The following SORCS2 variants were observed in gnomAD, a reference collection of about 807,000 sequenced individuals.
SORCS2 encodes VPS10 domain-containing receptor SorCS2.
A neutral mutation model predicts 141.6 loss-of-function variants in SORCS2; 100 were observed. That is an observed-to-expected ratio of 0.71 (90% confidence interval 0.60 to 0.83). The LOEUF (loss-of-function observed/expected upper bound fraction) is 0.83, where lower values mean the gene tolerates loss of function less well. Ranked by LOEUF, SORCS2 falls within the 40% of genes least tolerant of loss-of-function variation. The pLI is 0.00. For missense variants in SORCS2, 1,646 were observed against 1,560.2 expected, an observed-to-expected ratio of 1.05 and a Z score of -0.93; for synonymous variants, 789 against 676.9, an observed-to-expected ratio of 1.17 and a Z score of -2.57.
chr4:7,419,922 C>G (rs1049998794), intron 2 of SORCS2, among the ~76,000 whole-genome samples: 1 of 152,224 alleles, frequency 6.6e-6, no homozygotes, highest in Non-Finnish European at 1.5e-5. Context: ...TATTCCTAGC[C>G]AGGTGCTTCC....
chr4:7,365,105 T>A (rs779531199), intron 1 of SORCS2, among the ~76,000 whole-genome samples: 13 of 152,204 alleles, frequency 8.5e-5, no homozygotes, highest in Non-Finnish European at 1.5e-4. Context: ...GCGTTAGCTA[T>A]GATTTGTATT....
At chr4:7,691,681 G>T (rs578052334) in intron 11 of SORCS2, among the ~76,000 whole-genome samples, 1 of 151,948 alleles carries the variant, frequency 6.6e-6, no homozygotes, top group Non-Finnish European at 1.5e-5. Context: ...CAGCTTCCAC[G>T]CACAGACAGG....
At chr4:7,556,088 G>A (rs1420510743) in intron 3 of SORCS2, among the ~76,000 whole-genome samples, 3 of 152,216 alleles carry the variant, frequency 2.0e-5, no homozygotes, top group Admixed American at 6.5e-5. Context: ...GGATGCCAAC[G>A]TTAGGGTTGT....
At chr4:7,687,367 A>G (rs1181787003) in intron 10 of SORCS2, among the ~76,000 whole-genome samples, 1 of 152,146 alleles carries the variant, frequency 6.6e-6, no homozygotes, top group Non-Finnish European at 1.5e-5. Flanking sequence ...GCAGGAGGGT[A>G]GGACTGAAAG....
chr4:7,246,039 G>T (rs1713060387), intron 1 of SORCS2, among the ~76,000 whole-genome samples: 1 of 152,218 alleles, frequency 6.6e-6, no homozygotes, highest in South Asian at 2.1e-4. Context: ...GAAAGGGATT[G>T]TGCCAAATCC....
chr4:7,687,458 T>C (rs1353317167), intron 10 of SORCS2, among the ~76,000 whole-genome samples: 1 of 152,178 alleles, frequency 6.6e-6, no homozygotes, highest in Non-Finnish European at 1.5e-5. Flanking sequence ...GGCAACGTCT[T>C]AACACCTCAC....
chr4:7,420,874 C>A (rs1199653635), intron 2 of SORCS2, among the ~76,000 whole-genome samples: 4 of 152,206 alleles, frequency 2.6e-5, no homozygotes, highest in Non-Finnish European at 4.4e-5. Context: ...TAAGTAGGTT[C>A]TCGGCTTGGC....
chr4:7,556,993 A>G (rs1577744192), intron 3 of SORCS2, among the ~76,000 whole-genome samples: 3 of 139,926 alleles, frequency 2.1e-5, no homozygotes, highest in African/African-American at 5.3e-5. Flanking sequence ...CCATCCGTCC[A>G]TCTATCCATT....
chr4:7,575,328 C>G (rs1321186965), intron 3 of SORCS2, among the ~76,000 whole-genome samples: 1 of 152,168 alleles, frequency 6.6e-6, no homozygotes, highest in Admixed American at 6.5e-5. Flanking sequence ...CCCAGTATAT[C>G]CAAAATATTA....
rs116466424 is a variant in SORCS2 at position 7,404,623 on chromosome 4, T to C, written c.548+8268T>C. 8.3e-4 allele frequency among the ~76,000 whole-genome samples: 126 copies of C among 152,338 alleles called. 1 individual carries two copies. The highest frequency in any genetic ancestry group is 2.9e-3 in the African/African-American group (121 of 41,590). ...ATTGGTGATGTTGAGCATTTTTTCA[T>C]CTGCCTGTCGACCATGTGTATGTCT... On this transcript the variant is annotated intron_variant, in intron 2 of 26. Coordinates refer to ENST00000507866, the MANE Select transcript of SORCS2 (RefSeq NM_020777.3).
chr4:7,462,853 C>G (rs140619928), intron 2 of SORCS2, among the ~76,000 whole-genome samples: 1 of 149,924 alleles, frequency 6.7e-6, no homozygotes, highest in Non-Finnish European at 1.5e-5. Flanking sequence ...AGGGAGCGCT[C>G]ACAACATGCT....
At chr4:7,737,272 G>C (rs979094382) in intron 26 of SORCS2, 100 bp downstream of exon 26, 1 of 1,501,958 alleles carries the variant, frequency 6.7e-7, no homozygotes, top group South Asian at 1.3e-5. Flanking sequence ...TGGGCCGCTG[G>C]GGCCAGCAAA....
intron 2 of SORCS2, among the ~76,000 whole-genome samples, chr4:7,429,823 G>A (rs1289917860): frequency 6.6e-6 from 1 of 152,184 alleles, no homozygotes; most frequent in Non-Finnish European, 1.5e-5. Context: ...CTGGCTGTGT[G>A]GCCTCGGGCA....
intron 2 of SORCS2, among the ~76,000 whole-genome samples, chr4:7,513,401 T>C (rs993895919): frequency 2.0e-5 from 3 of 152,172 alleles, no homozygotes; most frequent in African/African-American, 7.2e-5. Flanking sequence ...GGCTTCACCT[T>C]GGATTCAGGA....
intron 3 of SORCS2, among the ~76,000 whole-genome samples, chr4:7,566,968 C>T (rs576824506): frequency 3.3e-4 from 50 of 152,330 alleles, no homozygotes; most frequent in Non-Finnish European, 6.0e-4. Context: ...GCAGAGGGGG[C>T]ACATGAGTAT....
intron 3 of SORCS2, among the ~76,000 whole-genome samples, chr4:7,560,958 C>T (rs1270464774): frequency 6.6e-6 from 1 of 152,128 alleles, no homozygotes; most frequent in African/African-American, 2.4e-5. Flanking sequence ...TCCATGGCTG[C>T]AGAAGCAAGA....
At chr4:7,268,314 C>T (rs763284616) in intron 1 of SORCS2, among the ~76,000 whole-genome samples, 137 of 152,256 alleles carry the variant, frequency 9.0e-4, no homozygotes, top group African/African-American at 2.9e-3. Context: ...CAACCCTTTA[C>T]CTTAGTGGGG....
chr4:7,544,810 C>T (rs1459012838), intron 3 of SORCS2, among the ~76,000 whole-genome samples: 1 of 152,222 alleles, frequency 6.6e-6, no homozygotes, highest in Non-Finnish European at 1.5e-5. Context: ...CATGGCTGAA[C>T]ACTCAGGGTG....
At chr4:7,446,254 C>T (rs1287039117) in intron 2 of SORCS2, among the ~76,000 whole-genome samples, 1 of 152,148 alleles carries the variant, frequency 6.6e-6, no homozygotes, top group African/African-American at 2.4e-5. Flanking sequence ...TGATGTCGCA[C>T]AGTGAGTTGG....
Sources: allele counts gnomAD v4.1 joint callset (sites outside exome capture counted in the v4.1 genomes callset), GRCh38; gene constraint gnomAD v4.1.1; transcripts MANE v1.5; gene names NCBI Gene and HGNC (gene_info 2026-07-23, HGNC 2026-07-21).